Variants in IQCH observed in about 807,000 individuals in gnomAD.
IQCH encodes IQ domain-containing protein H.
Under a neutral mutation model 117.0 loss-of-function variants are expected in IQCH, and 98 were observed. That is an observed-to-expected ratio of 0.84 (90% CI 0.71 to 0.99). The LOEUF is 0.99. Among genes scored for constraint, IQCH ranks in the 50% least tolerant of loss-of-function variants. IQCH has a pLI of 0.00. For synonymous variants in IQCH, 412 were observed against 448.2 expected (o/e 0.92, Z 1.02); for missense variants, 1,102 against 1,243.8 (o/e 0.89, Z 1.72).
intron 4 of IQCH, among the ~76,000 whole-genome samples, chr15:67,333,878 G>A (rs768176489): frequency 9.9e-5 from 15 of 151,992 alleles, no homozygotes; most frequent in African/African-American, 3.1e-4. Context: ...GCAACATAGC[G>A]AAACCCTGTC....
intron 4 of IQCH, among the ~76,000 whole-genome samples, chr15:67,295,101 C>T (rs1187195922): frequency 1.3e-5 from 2 of 152,114 alleles, no homozygotes; most frequent in Non-Finnish European, 2.9e-5. Context: ...TAAACTTTCT[C>T]CTCTTTCTTC....
chr15:67,460,607 C>T lies in IQCH; in HGVS notation c.2506-4520C>T, dbSNP rs117160501. Among the ~76,000 whole-genome samples the T allele has an allele frequency of 6.8e-3, 1,035 of 152,222 alleles. 8 individuals are homozygous for T. Among genetic ancestry groups the T allele is most frequent in the Non-Finnish European group, 0.012 (786 of 68,028 alleles). ...TTTGTATTCCTTGTGCTCTTAAGAC[C>T]TTAATATAAATCTCTCTAGCATTCT... On this transcript the variant is annotated intron_variant, in intron 16 of 20. Coordinates refer to ENST00000335894, the MANE Select transcript of IQCH (RefSeq NM_001031715.3).
rs2083286557 is a variant in IQCH at position 67,479,257 on chromosome 15, T to C, written c.2799+3439T>C. Among the ~76,000 whole-genome samples the C allele has an allele frequency of 6.6e-6, 1 of 152,216 alleles. No homozygotes were observed. Among genetic ancestry groups the C allele is most frequent in the Non-Finnish European group, 1.5e-5 (1 of 68,036 alleles). On this transcript the variant is annotated intron_variant, in intron 18 of 20. Transcript: ENST00000335894. The surrounding 1 kb of genome is among the most constrained non-coding windows in gnomAD (Gnocchi z 4.6). ...CTATAAGAAGGTGTTATTTCTACCA[T>C]ATTACAGTGAGGACTTTAGGCTTAA...
chr15:67,257,003 A>G (rs978201345), intron 1 of IQCH, among the ~76,000 whole-genome samples: 5 of 152,228 alleles, frequency 3.3e-5, no homozygotes, highest in African/African-American at 9.6e-5. Context: ...AACTGTGCCA[A>G]CGTGGATTCC....
rs756992408 is a variant in IQCH, at chr15:67,400,323, A to C, written c.2097+18A>C. 21 of 1,591,210 alleles carry C rather than the reference A, an allele frequency of 1.3e-5. No individual in the cohort carries two copies. The highest frequency in any genetic ancestry group is 1.7e-5 in the Non-Finnish European group (20 of 1,159,776). ...GGGCACAAGTGAGTATTCAATGGTG[A>C]CTTAAACCCGCAGGGTCTGTGAACA... On this transcript the variant is annotated intron_variant, in intron 14 of 20. Coordinates refer to ENST00000335894, the MANE Select transcript of IQCH (RefSeq NM_001031715.3).
chr15:67,279,663 A>G, intron 4 of IQCH, 151 bp downstream of exon 4: 1 of 521,628 alleles, frequency 1.9e-6, no homozygotes, highest in Non-Finnish European at 3.4e-6. Flanking sequence ...TGATGATTGC[A>G]CTACTCTGTG....
At chr15:67,345,604 G>T (rs1348342972) in intron 6 of IQCH, among the ~76,000 whole-genome samples, 1 of 152,056 alleles carries the variant, frequency 6.6e-6, no homozygotes, top group Non-Finnish European at 1.5e-5. Context: ...AAAAACATCA[G>T]ACAAACCCAA....
intron 4 of IQCH, among the ~76,000 whole-genome samples, chr15:67,290,886 T>C (rs757189722): frequency 8.5e-5 from 13 of 152,136 alleles, no homozygotes; most frequent in Non-Finnish European, 1.5e-4. Context: ...CTTGGGAGCC[T>C]TGGGGAATGC....
chr15:67,284,827 T>C (rs944270025), intron 4 of IQCH, among the ~76,000 whole-genome samples: 4 of 152,212 alleles, frequency 2.6e-5, no homozygotes, highest in Non-Finnish European at 5.9e-5. Context: ...ATGGTGTATA[T>C]CTACCACATT....
chr15:67,395,422 C>G lies in IQCH; in HGVS notation c.1764C>G (p.Ala588=). ...GLLHRDDLAV[A]DMLDIPILGS... ...TCCACAGAGATGATTTAGCTGTGGC[C>G]GATATGTTAGACATACCCATCCTGG... Residue 588 remains alanine, a synonymous_variant, in exon 13 of 21, where the codon GCC becomes GCG. Coordinates refer to ENST00000335894, the MANE Select transcript of IQCH (RefSeq NM_001031715.3). The surrounding 1 kb of genome is among the most constrained non-coding windows in gnomAD (Gnocchi z 4.0). 5 of 1,613,968 alleles carry G rather than the reference C, an allele frequency of 3.1e-6. No homozygotes were observed. The highest frequency in any genetic ancestry group is 4.2e-6 in the Non-Finnish European group (5 of 1,179,948).
chr15:67,268,907 A>C (rs893086927), intron 3 of IQCH, among the ~76,000 whole-genome samples: 2 of 149,310 alleles, frequency 1.3e-5, no homozygotes, highest in Non-Finnish European at 3.0e-5. Context: ...TTTTTAAAAC[A>C]AAAAAACAAA....
chr15:67,341,118 G>A (rs1420601384), intron 5 of IQCH, among the ~76,000 whole-genome samples: 6 of 152,152 alleles, frequency 3.9e-5, no homozygotes, highest in Admixed American at 3.3e-4. Flanking sequence ...AGGCTGAGGC[G>A]AGAGGATGGC....
At chr15:67,415,849 A>C (rs2081562648) in intron 14 of IQCH, among the ~76,000 whole-genome samples, 1 of 152,156 alleles carries the variant, frequency 6.6e-6, no homozygotes. Context: ...ACCCTGTCTC[A>C]CTTCTGGCAG....
intron 10 of IQCH, among the ~76,000 whole-genome samples, chr15:67,379,451 GT>G (rs1346221166): frequency 6.6e-6 from 1 of 152,184 alleles, no homozygotes; most frequent in Non-Finnish European, 1.5e-5. Context: ...TTTGAAAATA[GT>G]TTTTACCTTG....
chr15:67,402,499 C>T (rs1028364487), intron 14 of IQCH, among the ~76,000 whole-genome samples: 7 of 152,146 alleles, frequency 4.6e-5, no homozygotes, highest in Non-Finnish European at 2.9e-5. Flanking sequence ...TAATGGTGCA[C>T]ATTTAGACAT....
intron 1 of IQCH, among the ~76,000 whole-genome samples, chr15:67,259,513 T>C (rs527731295): frequency 1.9e-4 from 29 of 152,376 alleles, no homozygotes; most frequent in African/African-American, 6.7e-4. Context: ...GAGTTCTTGC[T>C]ATGTACCAAG....
chr15:67,408,387 C>G lies in IQCH; in HGVS notation c.2097+8082C>G, dbSNP rs1393052035. 1.3e-5 allele frequency: 2 copies of G among 152,206 alleles called. No individual in the cohort carries two copies. The highest frequency in any genetic ancestry group is 3.9e-4 in the East Asian group (2 of 5,194). The allele number at this position is 152,206 out of a possible 1,614,324, so 9.4% of individuals were successfully genotyped here. On this transcript the variant is annotated intron_variant, in intron 14 of 20. Coordinates refer to ENST00000335894, the MANE Select transcript of IQCH (RefSeq NM_001031715.3). The surrounding 1 kb of genome is among the most constrained non-coding windows in gnomAD (Gnocchi z 4.2). ...AGACAGGGATGCCCTTGAGAAAACT[C>G]AGACTTTCCTGTGACTGTGCCAGAT... is the stretch of plus-strand genomic sequence containing the variant.
At chr15:67,444,499 G>C (rs927749630) in intron 16 of IQCH, among the ~76,000 whole-genome samples, 1 of 152,150 alleles carries the variant, frequency 6.6e-6, no homozygotes, top group Non-Finnish European at 1.5e-5. Flanking sequence ...AGCCTGCTAG[G>C]TGAGAAATAC....
intron 5 of IQCH, among the ~76,000 whole-genome samples, chr15:67,338,380 C>T (rs369598476): frequency 6.6e-6 from 1 of 152,126 alleles, no homozygotes; most frequent in Non-Finnish European, 1.5e-5. Flanking sequence ...GAACACATGG[C>T]CTACTGTCAT....
Sources: gnomAD v4.1 joint callset for allele counts (sites outside exome capture counted in the v4.1 genomes callset) on GRCh38, gnomAD v4.1.1 for gene constraint, Gnocchi (gnomAD v3.1) non-coding constraint, MANE v1.5 for transcripts, NCBI Gene and HGNC (gene_info 2026-07-23, HGNC 2026-07-21) for gene names.